Variants in HEATR5B observed in about 807,000 individuals in gnomAD.
HEATR5B encodes the protein HEAT repeat-containing protein 5B.
Under a neutral mutation model 224.1 loss-of-function variants are expected in HEATR5B, and 156 were observed. The observed-to-expected ratio is 0.70, with a 90% confidence interval of 0.61 to 0.80. The LOEUF is 0.80. Among genes scored for constraint, HEATR5B ranks in the 30% least tolerant of loss-of-function variants. HEATR5B has a pLI of 0.00. For synonymous variants in HEATR5B, 1,027 were observed against 893.0 expected (o/e 1.15, Z -2.68); for missense variants, 2,323 against 2,535.5 (o/e 0.92, Z 1.80).
chr2:37,076,165 C>G (rs886928162), intron 4 of HEATR5B: 3 of 152,192 alleles, frequency 2.0e-5, no homozygotes, highest in Middle Eastern at 3.2e-3. Context: ...TATCACAATG[C>G]TTATTCACAC....
Position 37,002,433 on chromosome 2 carries a change from G to A in HEATR5B, c.5190C>T (p.Leu1730=). ...TTGGAGAGTCTGACACCTTGGTACTGAGATGTGGCATATGCCGTACTAAAA... is the reference window on the plus strand; with the variant it reads ...TTGGAGAGTCTGACACCTTGGTACTAAGATGTGGCATATGCCGTACTAAAA... ...MFILVRHMPH[L]STKVSDSPSH... is the part of the protein sequence containing the mutation. The change falls in exon 32 of 36, where the codon CTC becomes CTT. Residue 1730 remains leucine, a synonymous_variant. Transcript: ENST00000233099. 6.2e-7 allele frequency: 1 copy of A among 1,614,202 alleles called. No individual in the cohort carries two copies. The highest frequency in any genetic ancestry group is 1.1e-5 in the South Asian group (1 of 91,088).
chr2:37,081,678 T>C (rs1163163565), intron 2 of HEATR5B, among the ~76,000 whole-genome samples: 1 of 152,140 alleles, frequency 6.6e-6, no homozygotes, highest in Non-Finnish European at 1.5e-5. Flanking sequence ...GACTGAAAGT[T>C]TATTCTCTGG....
chr2:36,997,351 ATTAT>A (rs1158639582), intron 33 of HEATR5B, among the ~76,000 whole-genome samples: 1 of 151,794 alleles, frequency 6.6e-6, no homozygotes, highest in East Asian at 1.9e-4. Context: ...TGCCCAGCTA[ATTAT>A]TTATTTTTTA....
In HEATR5B at chr2:37,084,300, TC is replaced by T. The variant is rs1672837422; in HGVS notation, c.-55del. The T allele has an allele frequency of 2.5e-6, 1 of 396,868 alleles. No homozygotes were observed. The highest frequency in any genetic ancestry group is 2.1e-5 in the African/African-American group (1 of 48,482). The allele number at this position is 396,868 out of a possible 1,614,324, so 24.6% of individuals were successfully genotyped here. Reference sequence around the variant, plus strand: ...GTCTGGAAGGGAAGATCAGCTGAGCTCCGGGGGTAGAAGCAGCCACCAAGAG... The same window carrying T: ...GTCTGGAAGGGAAGATCAGCTGAGCTCGGGGGTAGAAGCAGCCACCAAGAG... On this transcript the variant is annotated 5_prime_UTR_variant, in exon 1 of 36. Transcript: ENST00000233099.
intron 33 of HEATR5B, among the ~76,000 whole-genome samples, chr2:36,994,727 T>G (rs1572751859): frequency 1.3e-5 from 2 of 152,130 alleles, no homozygotes; most frequent in Admixed American, 1.3e-4. Context: ...CAACAAAAAT[T>G]AAATTAATTA....
In HEATR5B at chr2:37,061,976, T is replaced by C. The variant is rs1671307246; in HGVS notation, c.1659A>G (p.Gln553=). Residue 553 remains glutamine, a synonymous_variant, in exon 11 of 36, where the codon CAA becomes CAG. Coordinates refer to ENST00000233099, the MANE Select transcript of HEATR5B (RefSeq NM_019024.3). ...QNSRLSLQRT[Q]AGWLLLGALM... ...GTGCTCCAAGTAAAAGCCAGCCAGC[T>C]TGGGTGCGCTGTAAAGATAGCCTGC... is the stretch of plus-strand genomic sequence containing the variant. The C allele has an allele frequency of 1.2e-6, 2 of 1,613,776 alleles. No homozygotes were observed.
At position 37,002,482 on chromosome 2, in the gene HEATR5B, G is replaced by C. The variant is rs754500933; in HGVS notation, c.5141C>G (p.Ala1714Gly). The C allele has an allele frequency of 1.4e-5, 23 of 1,614,174 alleles. No homozygotes were observed. In the South Asian group the frequency reaches 2.5e-4, roughly 18 times the overall value. Reference sequence around the variant, plus strand: ...AATGAACATCAGCAGCTCCATAGTTGCAAACACAAGAGATTTTCCAGGAAT... The same window carrying C: ...AATGAACATCAGCAGCTCCATAGTTCCAAACACAAGAGATTTTCCAGGAAT... ...GLIPGKSLVF[A>G]TMELLMFILV... The change falls in exon 32 of 36, where the codon GCA becomes GGA. Residue 1714 changes from alanine (A) to glycine (G), a missense_variant. Around this residue, in one of 12 missense-constraint regions of HEATR5B, gnomAD observed 844 missense variants for 812.9 expected, o/e 1.04. Coordinates refer to ENST00000233099, the MANE Select transcript of HEATR5B (RefSeq NM_019024.3).
intron 30 of HEATR5B, 87 bp from the exon 31 acceptor site, chr2:37,003,773 T>G: frequency 1.1e-6 from 1 of 903,964 alleles, no homozygotes; most frequent in Non-Finnish European, 1.5e-6. Flanking sequence ...AATACCTATG[T>G]AAAAAAAGAA....
At chr2:37,004,543 T>C (rs1435094493) in intron 30 of HEATR5B, among the ~76,000 whole-genome samples, 1 of 151,894 alleles carries the variant, frequency 6.6e-6, no homozygotes, top group Non-Finnish European at 1.5e-5. Flanking sequence ...TTCCACTTCC[T>C]TTACTCTCTT....
chr2:36,986,558 G>C (rs183557184), intron 35 of HEATR5B, among the ~76,000 whole-genome samples: 1 of 151,998 alleles, frequency 6.6e-6, no homozygotes, highest in African/African-American at 2.4e-5. Flanking sequence ...ATTTTTAACA[G>C]AAAAGAAAAA....
At chr2:37,020,408 T>C (rs1317101155) in intron 25 of HEATR5B, among the ~76,000 whole-genome samples, 1 of 152,222 alleles carries the variant, frequency 6.6e-6, no homozygotes, top group African/African-American at 2.4e-5. Context: ...AAAGCTGAGC[T>C]GGAATTTCTA....
chr2:37,016,984 A>C (rs902081142), intron 26 of HEATR5B, among the ~76,000 whole-genome samples: 2 of 152,240 alleles, frequency 1.3e-5, no homozygotes, highest in African/African-American at 4.8e-5. Flanking sequence ...TTACTCCCAA[A>C]GGAAACTAAA....
At chr2:37,077,588 G>A (rs772873338) in intron 3 of HEATR5B, among the ~76,000 whole-genome samples, 1 of 152,190 alleles carries the variant, frequency 6.6e-6, no homozygotes, top group Non-Finnish European at 1.5e-5. Context: ...GATTACAGGC[G>A]TGAGCCACAG....
chr2:36,986,216 TGTCA>T (rs1465743794), intron 35 of HEATR5B, among the ~76,000 whole-genome samples: 1 of 152,250 alleles, frequency 6.6e-6, no homozygotes, highest in Admixed American at 6.5e-5. Context: ...ACATAGGCCA[TGTCA>T]GTCATAAAAT....
chr2:37,075,721 T>A, intron 4 of HEATR5B, 87 bp from the exon 5 acceptor site: 1 of 908,872 alleles, frequency 1.1e-6, no homozygotes, highest in Non-Finnish European at 1.6e-6. Context: ...TCTTTGGGTC[T>A]AATGGTCTTA....
intron 35 of HEATR5B, among the ~76,000 whole-genome samples, chr2:36,985,480 C>CA (rs1230960668): frequency 7.8e-6 from 1 of 128,724 alleles, no homozygotes; most frequent in Non-Finnish European, 1.6e-5. Context: ...TTTTTTGAGA[C>CA]AGAGTCTCAC....
chr2:37,022,979 A>G (rs1056153069), intron 24 of HEATR5B, among the ~76,000 whole-genome samples: 3 of 152,208 alleles, frequency 2.0e-5, no homozygotes, highest in African/African-American at 7.2e-5. Context: ...AGAGAAAAAA[A>G]TCAGTGAATA....
At chr2:37,021,592 G>C (rs1668461768) in intron 24 of HEATR5B, among the ~76,000 whole-genome samples, 1 of 152,044 alleles carries the variant, frequency 6.6e-6, no homozygotes, top group African/African-American at 2.4e-5. Context: ...GTAAAATGTA[G>C]ATTCACTGAG....
rs1179614355 is a variant in HEATR5B at position 36,980,918 on chromosome 2, A to G, written c.*572T>C. 6.6e-6 allele frequency: 1 copy of G among 152,124 alleles called. No homozygotes were observed. Among genetic ancestry groups the G allele is most frequent in the Non-Finnish European group, 1.5e-5 (1 of 68,038 alleles). The allele number at this position is 152,124 out of a possible 1,614,324, so 9.4% of individuals were successfully genotyped here. A position where few individuals can be genotyped will look rare whatever the true frequency, so the allele number is the denominator to read the frequency against. ...AGTGAACCTTTAAATGAGAATTTTA[A>G]TTGTTACCAACTAAAATATACATAG... On this transcript the variant is annotated 3_prime_UTR_variant, in exon 36 of 36. Coordinates refer to ENST00000233099, the MANE Select transcript of HEATR5B (RefSeq NM_019024.3).
Sources: allele counts gnomAD v4.1 joint callset (sites outside exome capture counted in the v4.1 genomes callset), GRCh38; gene constraint gnomAD v4.1.1; regional missense constraint gnomAD v4.1.1; transcripts MANE v1.5; gene names NCBI Gene and HGNC (gene_info 2026-07-23, HGNC 2026-07-21).